STRIP2: variants seen among roughly 807,000 people sequenced by gnomAD.
STRIP2 encodes striatin-interacting protein 2.
STRIP2 carries 84 observed loss-of-function variants against 107.1 expected under a neutral mutation model. The observed-to-expected ratio is 0.78, with a 90% CI of 0.66 to 0.94. The LOEUF is 0.94. Ranked by LOEUF, STRIP2 falls within the 40% of genes least tolerant of loss-of-function variation. The probability of loss-of-function intolerance (pLI) is 0.00; values close to 1 mark genes in which losing one functional copy is unlikely to be tolerated. For missense variants in STRIP2, 888 were observed against 1,034.2 expected (o/e 0.86, Z 1.94); for synonymous variants, 394 against 400.4 (o/e 0.98, Z 0.19).
At chr7:129,445,116 A>G (rs770369553) in intron 3 of STRIP2, among the ~76,000 whole-genome samples, 12 of 152,038 alleles carry the variant, frequency 7.9e-5, no homozygotes, top group Non-Finnish European at 1.8e-4. Context: ...GGTCTGGGTC[A>G]TTTGTAGTCC....
Position 129,458,495 on chromosome 7 carries a change from T to A in STRIP2, c.1274+45T>A. The A allele has an allele frequency of 6.8e-7, 1 of 1,466,892 alleles. No individual in the cohort carries two copies. The highest frequency in any genetic ancestry group is 9.1e-7 in the Non-Finnish European group (1 of 1,094,620). The allele number at this position is 1,466,892 out of a possible 1,614,324, so 90.9% of individuals were successfully genotyped here. A position where few individuals can be genotyped will look rare whatever the true frequency, so the allele number is the denominator to read the frequency against. On this transcript the variant is annotated intron_variant, in intron 10 of 20. Coordinates refer to ENST00000249344, the MANE Select transcript of STRIP2 (RefSeq NM_020704.3). The surrounding 1 kb of genome is among the most constrained non-coding windows in gnomAD (Gnocchi z 4.6). ...GGACCCCTATGCTTCGGGGTTTCAG[T>A]CTCCAAAGGCCCAAGATGGGGTAGT... is the stretch of plus-strand genomic sequence containing the variant.
chr7:129,484,309 G>A (rs35191983), intron 20 of STRIP2, among the ~76,000 whole-genome samples: 30,353 of 152,106 alleles, frequency 0.2, 3,899 homozygotes, highest in Non-Finnish European at 0.28. Context: ...CAAGATATTT[G>A]GTTAAACTAC....
chr7:129,437,811 GT>G lies in STRIP2; in HGVS notation c.130-2197del, dbSNP rs1299449784. Among the ~76,000 whole-genome samples, 109 of 126,950 alleles carry G rather than the reference GT, an allele frequency of 8.6e-4. 1 individual carries two copies. The Middle Eastern group carries it at 0.012, about 14-fold the overall frequency. The allele number at this position is 126,950 out of a possible 152,430, so 83.3% of individuals were successfully genotyped here. A position where few individuals can be genotyped will look rare whatever the true frequency, so the allele number is the denominator to read the frequency against. On this transcript the variant is annotated intron_variant, in intron 1 of 20. Coordinates refer to ENST00000249344, the MANE Select transcript of STRIP2 (RefSeq NM_020704.3). ...AACATGATTCGCCTTGTTTTTTTTT[GT>G]TTTTTTTTTTTTTGACAGAGTCTCA...
At chr7:129,450,487 A>C (rs1798155173) in intron 3 of STRIP2, among the ~76,000 whole-genome samples, 1 of 152,184 alleles carries the variant, frequency 6.6e-6, no homozygotes, top group South Asian at 2.1e-4. Context: ...ATGTGCCCAC[A>C]CTGTGACATT....
chr7:129,460,431 T>G (rs776589797), intron 13 of STRIP2, 59 bp downstream of exon 13: 3 of 1,416,440 alleles, frequency 2.1e-6, no homozygotes, highest in Non-Finnish European at 3.0e-6. Flanking sequence ...TTCAGTGTTG[T>G]CACAGAGCAT....
At position 129,458,186 on chromosome 7, in the gene STRIP2, A is replaced by C; in HGVS notation, c.1039-29A>C. 1.3e-6 allele frequency: 2 copies of C among 1,581,258 alleles called. No homozygotes were observed. The highest frequency in any genetic ancestry group is 2.2e-5 in the East Asian group (1 of 44,682). ...AGGATGCCCAGAGTGAGATCTCTGC[A>C]TGCCTACCCTCCCTTCTTTCCCCTC... On this transcript the variant is annotated intron_variant, in intron 9 of 20. Coordinates refer to ENST00000249344, the MANE Select transcript of STRIP2 (RefSeq NM_020704.3). The surrounding 1 kb of genome is among the most constrained non-coding windows in gnomAD (Gnocchi z 4.6).
intron 4 of STRIP2, among the ~76,000 whole-genome samples, chr7:129,452,928 T>TGGGAATGATTCCC (rs974080072): frequency 6.6e-6 from 1 of 152,236 alleles, no homozygotes; most frequent in African/African-American, 2.4e-5. Context: ...TGATGATTCC[T>TGGGAATGATTCCC]GGGAATGATT....
chr7:129,458,730 C>T lies in STRIP2; in HGVS notation c.1293C>T (p.His431=). 1.2e-6 allele frequency: 2 copies of T among 1,614,208 alleles called. No homozygotes were observed. The highest frequency in any genetic ancestry group is 1.7e-6 in the Non-Finnish European group (2 of 1,180,034). ...APKVRQKDIE[H]FLEMSRNKFI... is the part of the protein sequence containing the mutation. The stretch of plus-strand genomic sequence containing the variant: ...CTCTCAGACAGAAGGACATTGAGCA[C>T]TTCTTGGAGATGAGCAGGAACAAGT... Residue 431 remains histidine (H), a synonymous_variant, in exon 11 of 21, where the codon CAC becomes CAT. Coordinates refer to ENST00000249344, the MANE Select transcript of STRIP2 (RefSeq NM_020704.3). The surrounding 1 kb of genome is among the most constrained non-coding windows in gnomAD (Gnocchi z 4.6).
intron 12 of STRIP2, among the ~76,000 whole-genome samples, chr7:129,460,010 C>T (rs1307455075): frequency 6.6e-6 from 1 of 152,124 alleles, no homozygotes; most frequent in African/African-American, 2.4e-5. Flanking sequence ...GGGGCAGGGG[C>T]CTGTTTCTGA....
In STRIP2 at chr7:129,476,087, C is replaced by A. The variant is rs549092019; in HGVS notation, c.1945-4698C>A. On this transcript the variant is annotated intron_variant, in intron 18 of 20. Coordinates refer to ENST00000249344, the MANE Select transcript of STRIP2 (RefSeq NM_020704.3). The stretch of plus-strand genomic sequence containing the variant: ...CCAATGAGCTGTTGGGTACACCTCC[C>A]AGAGGGGGTGGCGGCCGGGCAGAGG... 2.5e-3 allele frequency among the ~76,000 whole-genome samples: 384 copies of A among 152,260 alleles called. 1 individual carries two copies. The highest frequency in any genetic ancestry group is 8.7e-3 in the African/African-American group (361 of 41,584).
Position 129,434,463 on chromosome 7 carries a change from G to T in STRIP2, c.-10G>T. 1 of 1,506,574 alleles carries T rather than the reference G, an allele frequency of 6.6e-7. No individual in the cohort carries two copies. The highest frequency in any genetic ancestry group is 1.2e-5 in the South Asian group (1 of 80,854). The allele number at this position is 1,506,574 out of a possible 1,614,324, so 93.3% of individuals were successfully genotyped here. A position where few individuals can be genotyped will look rare whatever the true frequency, so the allele number is the denominator to read the frequency against. On this transcript the variant is annotated 5_prime_UTR_variant, in exon 1 of 21. Transcript: ENST00000249344. ...GAGCTGAACCCTGAGGGGAGCCGCT[G>T]ACCAGCAGCATGGAGGACCCCGCCG... is the stretch of plus-strand genomic sequence containing the variant.
At chr7:129,454,093 G>A (rs775979365) in intron 5 of STRIP2, 49 bp from the exon 6 acceptor site, 1 of 1,547,406 alleles carries the variant, frequency 6.5e-7, no homozygotes, top group Non-Finnish European at 8.9e-7. Flanking sequence ...AGAGCACAGA[G>A]AGAAAAGAAG....
chr7:129,482,973 CA>C lies in STRIP2; in HGVS notation c.2183del (p.Asn728ThrfsTer2), dbSNP rs1457508695. On this transcript the variant is annotated frameshift_variant, in exon 20 of 21. Transcript: ENST00000249344. LOFTEE classifies it high-confidence loss of function. Reference protein sequence around the residue: ...KYLGRQWRKSNMKTMSAIYQK... With the variant: ...KYLGRQWRKSXMKTMSAIYQK... ...ACCTGGGGCGCCAATGGAGGAAAAG[CA>C]ACATGAAAACCATGTCAGCCATTTA... 1 of 1,614,178 alleles carries C rather than the reference CA, an allele frequency of 6.2e-7. No homozygotes were observed. The highest frequency in any genetic ancestry group is 8.5e-7 in the Non-Finnish European group (1 of 1,180,032).
chr7:129,457,255 C>G (rs1320300186), intron 9 of STRIP2, among the ~76,000 whole-genome samples: 1 of 152,198 alleles, frequency 6.6e-6, no homozygotes, highest in Non-Finnish European at 1.5e-5. Flanking sequence ...CTACTGCACA[C>G]CTAGGCATAT....
chr7:129,435,729 A>G (rs1174214321), intron 1 of STRIP2, among the ~76,000 whole-genome samples: 2 of 152,226 alleles, frequency 1.3e-5, no homozygotes, highest in Non-Finnish European at 2.9e-5. Context: ...TGCAGGCACA[A>G]TGCATGTAAT....
intron 8 of STRIP2, among the ~76,000 whole-genome samples, chr7:129,456,092 T>C (rs1798339568): frequency 6.6e-6 from 1 of 150,494 alleles, no homozygotes; most frequent in Admixed American, 6.6e-5. Flanking sequence ...TGAGTGACTC[T>C]GGGGGTTTAT....
At chr7:129,457,026 C>T (rs891627916) in intron 9 of STRIP2, among the ~76,000 whole-genome samples, 5 of 152,138 alleles carry the variant, frequency 3.3e-5, no homozygotes, top group African/African-American at 1.2e-4. Flanking sequence ...AGGCATTTTA[C>T]TATTTTGAAG....
intron 18 of STRIP2, among the ~76,000 whole-genome samples, chr7:129,475,287 G>T (rs985434643): frequency 1.3e-5 from 2 of 152,106 alleles, no homozygotes; most frequent in South Asian, 4.1e-4. Context: ...TGCTTTGGGG[G>T]ATGGAAAATA....
At chr7:129,462,685 C>T (rs1181519298) in intron 13 of STRIP2, among the ~76,000 whole-genome samples, 1 of 152,176 alleles carries the variant, frequency 6.6e-6, no homozygotes, top group Admixed American at 6.5e-5. Flanking sequence ...AGCCTCAGAT[C>T]CACACCATAG....
Sources: gnomAD v4.1 joint callset for allele counts (sites outside exome capture counted in the v4.1 genomes callset) on GRCh38, gnomAD v4.1.1 for gene constraint, Gnocchi (gnomAD v3.1) non-coding constraint, MANE v1.5 for transcripts, NCBI Gene and HGNC (gene_info 2026-07-23, HGNC 2026-07-21) for gene names.